The following TPRG1 variants were observed in gnomAD, a reference collection of about 807,000 sequenced individuals.
The protein encoded by TPRG1 is tumor protein p63 regulated 1.
In TPRG1, 29 loss-of-function variants were observed where a neutral mutation model predicts 29.3. That is an observed-to-expected ratio of 0.99 (90% CI 0.74 to 1.35). The LOEUF (loss-of-function observed/expected upper bound fraction) is 1.35. Among genes scored for constraint, TPRG1 ranks in the 40% most tolerant of loss-of-function variants. TPRG1 has a pLI of 0.00. For missense variants in TPRG1, 327 were observed against 335.0 expected (o/e 0.98, Z 0.19); for synonymous variants, 130 against 116.8 (o/e 1.11, Z -0.73).
intron 4 of TPRG1, among the ~76,000 whole-genome samples, chr3:189,300,113 A>C (rs1720606434): frequency 6.6e-6 from 1 of 152,218 alleles, no homozygotes; most frequent in Admixed American, 6.5e-5. Context: ...GAAAGCAAAC[A>C]ATTGGTTGGC....
chr3:189,168,476 G>A (rs1015700266), upstream of TPRG1, among the ~76,000 whole-genome samples: 1 of 152,088 alleles, frequency 6.6e-6, no homozygotes, highest in African/African-American at 2.4e-5. Context: ...CCACCCATCC[G>A]TCAAAGTAGG....
chr3:189,207,442 G>A lies in TPRG1; in HGVS notation c.58G>A (p.Asp20Asn), dbSNP rs1402982141. Residue 20 changes from aspartate to asparagine, a missense_variant, in exon 2 of 6, where the codon GAT (aspartate) becomes AAT (asparagine). Transcript: ENST00000345063. ...FQAVSLKQEGDDQPSETDHLS... is the reference protein window; with the variant it reads ...FQAVSLKQEGNDQPSETDHLS... ...GGCTGTGTCTCTGAAGCAAGAGGGA[G>A]ATGACCAACCCTCTGAGACTGACCA... 1.2e-6 allele frequency: 2 copies of A among 1,614,030 alleles called. No individual in the cohort carries two copies. Among genetic ancestry groups the A allele is most frequent in the Non-Finnish European group, 1.7e-6 (2 of 1,179,948 alleles).
intron 2 of TPRG1, chr3:189,004,498 C>T (rs542452403): frequency 5.9e-5 from 9 of 152,252 alleles, no homozygotes; most frequent in Non-Finnish European, 8.8e-5. Flanking sequence ...ATAAAGACTT[C>T]GTGTGTGGAT....
intron 4 of TPRG1, among the ~76,000 whole-genome samples, chr3:189,043,054 C>G (rs1291922645): frequency 2.0e-5 from 3 of 152,204 alleles, no homozygotes; most frequent in Non-Finnish European, 2.9e-5. Flanking sequence ...CAAAGGAGAA[C>G]ACTATGGGAT....
At chr3:189,199,625 G>A (rs1485381183) in intron 1 of TPRG1, among the ~76,000 whole-genome samples, 1 of 152,180 alleles carries the variant, frequency 6.6e-6, no homozygotes, top group Non-Finnish European at 1.5e-5. Flanking sequence ...CGAATCATGA[G>A]GTCAGGAGTT....
At chr3:189,186,296 T>C (rs1237472695) in intron 1 of TPRG1, among the ~76,000 whole-genome samples, 2 of 152,190 alleles carry the variant, frequency 1.3e-5, no homozygotes, top group Non-Finnish European at 2.9e-5. Context: ...GGATTGACCA[T>C]GTCTAGCTGG....
rs1279239419 is a variant in TPRG1 at position 189,320,655 on chromosome 3, A to G, written c.663A>G (p.Pro221=). 5 of 1,611,282 alleles carry G rather than the reference A, an allele frequency of 3.1e-6. No homozygotes were observed. Among genetic ancestry groups the G allele is most frequent in the Non-Finnish European group, 4.2e-6 (5 of 1,178,802 alleles). ...CTGGGTTCATGTCTAAGCTTGTTCC[A>G]GCTATCCAGAATGCCCACAAGAATT... ...KLSGFMSKLV[P]AIQNAHKNST... The change falls in exon 6 of 6, where the codon CCA becomes CCG. Residue 221 remains proline (P), a synonymous_variant. Coordinates refer to ENST00000345063, the MANE Select transcript of TPRG1 (RefSeq NM_198485.4).
intron 5 of TPRG1, among the ~76,000 whole-genome samples, chr3:189,152,410 C>T (rs1726053595): frequency 6.6e-6 from 1 of 152,124 alleles, no homozygotes; most frequent in African/African-American, 2.4e-5. Context: ...TAGAGGGAAC[C>T]CCCAGCTCCA....
intron 3 of TPRG1, among the ~76,000 whole-genome samples, chr3:189,010,100 C>T (rs967596579): frequency 6.6e-6 from 1 of 152,138 alleles, no homozygotes; most frequent in African/African-American, 2.4e-5. Flanking sequence ...CAGCTCCATC[C>T]ATGTCCCTGC....
intron 3 of TPRG1, among the ~76,000 whole-genome samples, chr3:189,219,012 A>G (rs1736522708): frequency 6.6e-6 from 1 of 152,234 alleles, no homozygotes; most frequent in Non-Finnish European, 1.5e-5. Flanking sequence ...GAGAAAGTGC[A>G]ATCAATTTCC....
intron 1 of TPRG1, among the ~76,000 whole-genome samples, chr3:189,205,098 A>G (rs1423070134): frequency 6.6e-6 from 1 of 152,168 alleles, no homozygotes; most frequent in South Asian, 2.1e-4. Flanking sequence ...CATAAGGCAG[A>G]TGTTGGGTGT....
chr3:189,186,897 C>T (rs897796357), intron 1 of TPRG1, among the ~76,000 whole-genome samples: 2 of 151,658 alleles, frequency 1.3e-5, no homozygotes. Context: ...ATTCCTCTAG[C>T]ATAGATTCAG....
intron 4 of TPRG1, among the ~76,000 whole-genome samples, chr3:189,272,686 T>C (rs891405008): frequency 2.0e-5 from 3 of 147,920 alleles, no homozygotes; most frequent in Non-Finnish European, 4.4e-5. Flanking sequence ...TTCTTTCCTT[T>C]CTTTCTTTCT....
chr3:189,304,867 C>T (rs1721386054), intron 4 of TPRG1, among the ~76,000 whole-genome samples: 1 of 152,098 alleles, frequency 6.6e-6, no homozygotes, highest in Admixed American at 6.5e-5. Context: ...TTGCTCTCTC[C>T]CCATCGCCCG....
At chr3:189,316,752 T>C (rs562840847) in intron 5 of TPRG1, among the ~76,000 whole-genome samples, 4 of 152,150 alleles carry the variant, frequency 2.6e-5, no homozygotes, top group Non-Finnish European at 5.9e-5. Flanking sequence ...CCCTCTGTAT[T>C]TGGGACTGAA....
intron 5 of TPRG1, among the ~76,000 whole-genome samples, chr3:189,165,002 A>G (rs1441702508): frequency 3.9e-5 from 6 of 152,120 alleles, no homozygotes. Context: ...GGGCCTTTGT[A>G]CAATGTAGCT....
At chr3:189,046,790 C>A (rs1477770915) in intron 4 of TPRG1, among the ~76,000 whole-genome samples, 1 of 150,126 alleles carries the variant, frequency 6.7e-6, no homozygotes, top group African/African-American at 2.5e-5. Flanking sequence ...GGAAGTTGCC[C>A]AGGGAAGACA....
At chr3:189,069,471 T>C (rs1017625568) in intron 4 of TPRG1, among the ~76,000 whole-genome samples, 3 of 152,184 alleles carry the variant, frequency 2.0e-5, no homozygotes, top group Non-Finnish European at 4.4e-5. Flanking sequence ...TATTGTACGA[T>C]AGATAGTTTA....
intron 3 of TPRG1, among the ~76,000 whole-genome samples, chr3:189,007,200 G>A (rs1307139583): frequency 6.6e-6 from 1 of 151,602 alleles, no homozygotes; most frequent in Non-Finnish European, 1.5e-5. Context: ...AAATTTACAA[G>A]AAAAAAACAA....
Sources: gnomAD v4.1 joint callset for allele counts (sites outside exome capture counted in the v4.1 genomes callset) on GRCh38, gnomAD v4.1.1 for gene constraint, MANE v1.5 for transcripts, NCBI Gene and HGNC (gene_info 2026-07-23, HGNC 2026-07-21) for gene names.